The following ACSM2A variants were observed in gnomAD, a reference collection of about 807,000 sequenced individuals.
ACSM2A encodes acyl-CoA synthetase medium chain family member 2A.
ACSM2A carries 72 observed loss-of-function variants against 76.6 expected under a neutral mutation model. That is an observed-to-expected ratio of 0.94 (90% confidence interval 0.78 to 1.14). The LOEUF is 1.14. ACSM2A is among the 50% of genes most tolerant of loss of function. The pLI is 0.00. For synonymous variants in ACSM2A, 249 were observed against 255.9 expected, an observed-to-expected ratio of 0.97 and a Z score of 0.26; for missense variants, 684 against 708.5, an observed-to-expected ratio of 0.97 and a Z score of 0.39.
At chr16:20,485,240 C>A (rs1476856044) in intron 13 of ACSM2A, among the ~76,000 whole-genome samples, 2 of 152,168 alleles carry the variant, frequency 1.3e-5, no homozygotes, top group African/African-American at 4.8e-5. Flanking sequence ...TTGTAGAAGG[C>A]TGAGTCAAGG....
intron 13 of ACSM2A, among the ~76,000 whole-genome samples, chr16:20,483,421 T>C (rs1347760556): frequency 3.3e-5 from 5 of 150,960 alleles, no homozygotes; most frequent in Admixed American, 2.6e-4. Flanking sequence ...AATGCAAAAA[T>C]TAGCCCGGTG....
intron 3 of ACSM2A, among the ~76,000 whole-genome samples, chr16:20,466,838 T>C (rs1281599952): frequency 6.6e-6 from 1 of 152,212 alleles, no homozygotes; most frequent in Non-Finnish European, 1.5e-5. Context: ...TTGGGGAGGT[T>C]ACAAATCTTG....
intron 1 of ACSM2A, among the ~76,000 whole-genome samples, chr16:20,453,069 G>T (rs537262595): frequency 9.1e-4 from 138 of 152,094 alleles, no homozygotes; most frequent in African/African-American, 3.3e-3. Context: ...TGCCAAGATT[G>T]CCCTGAGTGA....
At chr16:20,465,129 A>C (rs1280068550) in intron 2 of ACSM2A, among the ~76,000 whole-genome samples, 1 of 152,184 alleles carries the variant, frequency 6.6e-6, no homozygotes, top group Non-Finnish European at 1.5e-5. Flanking sequence ...ATGTTTTTCT[A>C]CTAAGACGTT....
intron 1 of ACSM2A, among the ~76,000 whole-genome samples, chr16:20,455,680 A>G (rs931701724): frequency 6.8e-6 from 1 of 148,026 alleles, no homozygotes; most frequent in Non-Finnish European, 1.5e-5. Context: ...GAAACACATC[A>G]AAATAGAACC....
chr16:20,458,926 A>AC (rs1430942584), intron 1 of ACSM2A, among the ~76,000 whole-genome samples: 6 of 61,598 alleles, frequency 9.7e-5, no homozygotes, highest in African/African-American at 5.3e-4. Context: ...ATATATATAT[A>AC]TATATACATA....
chr16:20,482,978 T>C (rs748172007), intron 12 of ACSM2A, 80 bp from the exon 13 acceptor site: 19 of 1,571,446 alleles, frequency 1.2e-5, no homozygotes, highest in Non-Finnish European at 1.6e-5. Flanking sequence ...GTGATGGAAG[T>C]CTTAATGCCA....
chr16:20,465,526 C>T lies in ACSM2A; in HGVS notation c.187C>T (p.Arg63Ter), dbSNP rs146541514. Residue 63 changes from arginine (R) to a stop codon, truncating the protein, a stop_gained, in exon 3 of 14, where the codon CGA becomes TGA. Coordinates refer to ENST00000573854, the MANE Select transcript of ACSM2A (RefSeq NM_001308172.2). LOFTEE classifies it high-confidence loss of function. ...HWADMEKAGKRLPSPALWWVN... is the reference protein window; with the variant it reads ...HWADMEKAGK ...GCTTCTCTTTCCTCAGGCTGGCAAG[C>T]GACTCCCAAGCCCAGCCCTGTGGTG... is the stretch of plus-strand genomic sequence containing the variant. The T allele has an allele frequency of 4.2e-5, 68 of 1,613,712 alleles. 1 individual carries two copies. Among genetic ancestry groups the T allele is most frequent in the South Asian group, 3.7e-4 (34 of 91,058 alleles).
chr16:20,465,930 C>T (rs1418625461), intron 3 of ACSM2A, among the ~76,000 whole-genome samples: 1 of 152,150 alleles, frequency 6.6e-6, no homozygotes, highest in Non-Finnish European at 1.5e-5. Context: ...ACAACAATGA[C>T]ATAGTTTACA....
At chr16:20,475,506 T>A in intron 7 of ACSM2A, 65 bp downstream of exon 7, 20 of 1,606,950 alleles carry the variant, frequency 1.2e-5, no homozygotes, top group Non-Finnish European at 1.7e-5. Context: ...TCACATACAT[T>A]CATGCCTATC....
chr16:20,474,527 G>T (rs189545599), intron 6 of ACSM2A, among the ~76,000 whole-genome samples: 55 of 152,250 alleles, frequency 3.6e-4, no homozygotes, highest in Admixed American at 3.6e-3. Context: ...AGAACTGCAA[G>T]AAATAAATTT....
intron 1 of ACSM2A, among the ~76,000 whole-genome samples, chr16:20,458,229 C>T (rs2012315271): frequency 6.6e-6 from 1 of 150,492 alleles, no homozygotes; most frequent in African/African-American, 2.4e-5. Context: ...ACTATATTGC[C>T]AAAAGCAATA....
At chr16:20,465,232 T>G (rs1272759252) in intron 2 of ACSM2A, among the ~76,000 whole-genome samples, 1 of 152,170 alleles carries the variant, frequency 6.6e-6, no homozygotes, top group Non-Finnish European at 1.5e-5. Context: ...TACTTTATCA[T>G]TATAAAAAAA....
intron 2 of ACSM2A, among the ~76,000 whole-genome samples, chr16:20,462,838 T>G (rs2012712473): frequency 6.6e-6 from 1 of 151,734 alleles, no homozygotes; most frequent in African/African-American, 2.4e-5. Flanking sequence ...CAAAAAAAAC[T>G]TAAAATCAGG....
At chr16:20,461,676 T>A (rs2012630363) in intron 2 of ACSM2A, among the ~76,000 whole-genome samples, 1 of 152,140 alleles carries the variant, frequency 6.6e-6, no homozygotes, top group South Asian at 2.1e-4. Context: ...AAAAGTGAAC[T>A]CAAATGGCCA....
chr16:20,469,691 G>A lies in ACSM2A; in HGVS notation c.568G>A (p.Gly190Arg), dbSNP rs2141720004. 1 of 1,613,786 alleles carries A rather than the reference G, an allele frequency of 6.2e-7. No individual in the cohort carries two copies. Among genetic ancestry groups the A allele is most frequent in the South Asian group, 1.1e-5 (1 of 91,054 alleles). Residue 190 changes from glycine (G) to arginine (R), a missense_variant, in exon 4 of 14, where the codon GGG becomes AGG. Transcript: ENST00000573854. ...KLLVSEKSCD[G>R]WLNFKKLLNE... ...ACTGGTGTCTGAGAAAAGCTGTGAT[G>A]GGTGGCTGAACTTCAAGAAACTACT...
chr16:20,471,075 A>G lies in ACSM2A; in HGVS notation c.599A>G (p.Glu200Gly). The change falls in exon 5 of 14, where the codon GAG becomes GGG. Residue 200 changes from glutamate (E) to glycine (G), a missense_variant and splice_region_variant. Around this residue, in one of 3 missense-constraint regions of ACSM2A, gnomAD observed 519 missense variants for 549.5 expected, o/e 0.94. Coordinates refer to ENST00000573854, the MANE Select transcript of ACSM2A (RefSeq NM_001308172.2). ...GWLNFKKLLN[E>G]ASTTHHCVET... Reference sequence around the variant, plus strand: ...ATGACAATCTGTGTCTCTGTCAGTGAGGCATCCACCACTCATCACTGTGTG... The same window carrying G: ...ATGACAATCTGTGTCTCTGTCAGTGGGGCATCCACCACTCATCACTGTGTG... The G allele has an allele frequency of 6.2e-7, 1 of 1,613,370 alleles. No homozygotes were observed.
At chr16:20,472,346 G>C (rs2013468112) in intron 6 of ACSM2A, among the ~76,000 whole-genome samples, 1 of 152,164 alleles carries the variant, frequency 6.6e-6, no homozygotes, top group African/African-American at 2.4e-5. Flanking sequence ...CTTGCTGATG[G>C]CTCCCTTACT....
chr16:20,453,380 T>G (rs1350384819), intron 1 of ACSM2A: 1 of 151,552 alleles, frequency 6.6e-6, no homozygotes, highest in Non-Finnish European at 1.5e-5. Context: ...CTGCAATCTC[T>G]GAACATAAAT....
Sources: gnomAD v4.1 joint callset for allele counts (sites outside exome capture counted in the v4.1 genomes callset) on GRCh38, gnomAD v4.1.1 for gene constraint, gnomAD v4.1.1 regional missense constraint, MANE v1.5 for transcripts, NCBI Gene and HGNC (gene_info 2026-07-23, HGNC 2026-07-21) for gene names.